Variants in DCC observed in about 807,000 individuals in gnomAD.
DCC encodes the protein netrin receptor DCC.
A neutral mutation model predicts 172.5 loss-of-function variants in DCC; 58 were observed. That is an observed-to-expected ratio of 0.34 (90% CI 0.27 to 0.42). The LOEUF is 0.42. Ranked by LOEUF, DCC falls within the 10% of genes least tolerant of loss-of-function variation. The pLI is 1.00. For missense variants in DCC, 1,740 were observed against 1,791.0 expected, an observed-to-expected ratio of 0.97 and a Z score of 0.51; for synonymous variants, 709 against 644.5, an observed-to-expected ratio of 1.10 and a Z score of -1.52.
At chr18:52,567,941 G>A (rs897676490) in intron 1 of DCC, among the ~76,000 whole-genome samples, 7 of 152,162 alleles carry the variant, frequency 4.6e-5, no homozygotes, top group African/African-American at 1.7e-4. Flanking sequence ...TAATATGCAT[G>A]CACACACACA....
At chr18:53,150,322 G>A (rs538709222) in intron 7 of DCC, among the ~76,000 whole-genome samples, 1 of 152,202 alleles carries the variant, frequency 6.6e-6, no homozygotes, top group Non-Finnish European at 1.5e-5. Context: ...ACTGTACAGA[G>A]TTCTGAAAAG....
At chr18:53,383,594 G>A (rs1288176948) in intron 15 of DCC, among the ~76,000 whole-genome samples, 1 of 150,214 alleles carries the variant, frequency 6.7e-6, no homozygotes, top group South Asian at 2.1e-4. Context: ...TCTGCGAGAA[G>A]CTGCTTCTTT....
intron 15 of DCC, among the ~76,000 whole-genome samples, chr18:53,378,784 A>G (rs1029828874): frequency 3.3e-5 from 5 of 152,208 alleles, no homozygotes; most frequent in African/African-American, 1.2e-4. Flanking sequence ...GGAGTCAAAT[A>G]CTTTCTCACA....
intron 1 of DCC, among the ~76,000 whole-genome samples, chr18:52,349,188 C>T (rs1446925649): frequency 1.3e-5 from 2 of 151,368 alleles, no homozygotes; most frequent in East Asian, 3.9e-4. Flanking sequence ...CCATCCCCCC[C>T]AATTTTTGTT....
intron 25 of DCC, among the ~76,000 whole-genome samples, chr18:53,478,250 C>T (rs1242955045): frequency 1.3e-5 from 2 of 152,154 alleles, no homozygotes; most frequent in African/African-American, 4.8e-5. Context: ...TTCATGCAGG[C>T]TATTTCCAAG....
At chr18:53,512,113 C>G in intron 27 of DCC, among the ~76,000 whole-genome samples, 1 of 152,160 alleles carries the variant, frequency 6.6e-6, no homozygotes, top group Admixed American at 6.5e-5. Context: ...AGCTGGAGAT[C>G]TGAGAACGTG....
At chr18:53,048,316 GT>G (rs1178831926) in intron 5 of DCC, among the ~76,000 whole-genome samples, 1 of 151,402 alleles carries the variant, frequency 6.6e-6, no homozygotes, top group African/African-American at 2.4e-5. Context: ...CTGTGGTTCC[GT>G]TTTTTCTGTC....
chr18:53,487,301 T>C (rs1036643141), intron 26 of DCC, among the ~76,000 whole-genome samples: 1 of 152,224 alleles, frequency 6.6e-6, no homozygotes, highest in Non-Finnish European at 1.5e-5. Context: ...TCCAACATAT[T>C]TGGTATCTGT....
At chr18:53,053,960 C>A (rs1195547049) in intron 5 of DCC, among the ~76,000 whole-genome samples, 4 of 152,010 alleles carry the variant, frequency 2.6e-5, no homozygotes, top group Non-Finnish European at 5.9e-5. Context: ...TCTGTGTGAT[C>A]ATATATTTTA....
At chr18:52,794,327 A>G (rs1045780194) in intron 2 of DCC, among the ~76,000 whole-genome samples, 1 of 151,346 alleles carries the variant, frequency 6.6e-6, no homozygotes, top group Non-Finnish European at 1.5e-5. Flanking sequence ...TGTGTCTTCA[A>G]TTTCTTTCAT....
chr18:52,685,786 G>A (rs552885436), intron 1 of DCC, among the ~76,000 whole-genome samples: 2 of 152,216 alleles, frequency 1.3e-5, no homozygotes, highest in East Asian at 3.9e-4. Context: ...TAAGGTGGAA[G>A]GGATTCAAGG....
At chr18:52,726,280 A>G (rs577317732) in intron 1 of DCC, among the ~76,000 whole-genome samples, 1 of 152,300 alleles carries the variant, frequency 6.6e-6, no homozygotes, top group African/African-American at 2.4e-5. Flanking sequence ...CGGAGTCTGC[A>G]ATCTTAACCA....
intron 5 of DCC, among the ~76,000 whole-genome samples, chr18:53,040,893 G>A (rs1237182453): frequency 6.6e-6 from 1 of 151,950 alleles, no homozygotes; most frequent in East Asian, 1.9e-4. Context: ...AGAGATAAAA[G>A]TTGAAGGGTG....
rs70944616 is a variant in DCC at position 53,047,235 on chromosome 18, GATATATATATATAT to G, written c.986-16030_986-16017del. 6.2e-3 allele frequency among the ~76,000 whole-genome samples: 188 copies of G among 30,212 alleles called. 3 individuals carry two copies. The highest frequency in any genetic ancestry group is 0.037 in the East Asian group (23 of 622). The allele number at this position is 30,212 out of a possible 152,430, so 19.8% of individuals were successfully genotyped here. A position where few individuals can be genotyped will look rare whatever the true frequency, so the allele number is the denominator to read the frequency against. On this transcript the variant is annotated intron_variant, in intron 5 of 28. Coordinates refer to ENST00000442544, the MANE Select transcript of DCC (RefSeq NM_005215.4). ...CCTGGTGAGCCATCCCTGCAGGTAG[GATATATATATATAT>G]ATATATATATATATATATATATATA...
intron 1 of DCC, among the ~76,000 whole-genome samples, chr18:52,376,483 A>ATGTG (rs35302015): frequency 0.15 from 21,762 of 149,938 alleles, 1,629 homozygotes; most frequent in African/African-American, 0.16. Flanking sequence ...GTATATTTCT[A>ATGTG]TGTGTGTGTG....
At chr18:52,660,985 C>G (rs1354896811) in intron 1 of DCC, among the ~76,000 whole-genome samples, 2 of 152,044 alleles carry the variant, frequency 1.3e-5, no homozygotes, top group South Asian at 2.1e-4. Flanking sequence ...ACTTCTATAC[C>G]CTCGATGCCA....
At chr18:52,927,867 A>G (rs932442520) in intron 5 of DCC, among the ~76,000 whole-genome samples, 1 of 152,112 alleles carries the variant, frequency 6.6e-6, no homozygotes, top group African/African-American at 2.4e-5. Context: ...TGATTCCTCA[A>G]ATAACTTAAA....
Position 52,979,213 on chromosome 18 carries a change from G to A in DCC, c.985+53843G>A, listed in dbSNP as rs930239250. 5.3e-5 allele frequency among the ~76,000 whole-genome samples: 8 copies of A among 152,190 alleles called. No individual in the cohort carries two copies. The South Asian group carries it at 6.2e-4, about 12-fold the overall frequency. ...AATAGCCAAGAGGAATGCAAAAGAT[G>A]GAGGTACAGGAGATTAGTCATTAAG... is the stretch of plus-strand genomic sequence containing the variant. On this transcript the variant is annotated intron_variant, in intron 5 of 28. Transcript: ENST00000442544.
At chr18:53,152,623 C>T (rs1456633408) in intron 7 of DCC, among the ~76,000 whole-genome samples, 3 of 152,114 alleles carry the variant, frequency 2.0e-5, no homozygotes, top group Admixed American at 2.0e-4. Context: ...AAATTCACCT[C>T]CTCTTCTCCA....
Sources: allele counts gnomAD v4.1 joint callset (sites outside exome capture counted in the v4.1 genomes callset), GRCh38; gene constraint gnomAD v4.1.1; transcripts MANE v1.5; gene names NCBI Gene and HGNC (gene_info 2026-07-23, HGNC 2026-07-21).